Variants in DRD3 observed in about 807,000 individuals in gnomAD.
DRD3 encodes the protein dopamine receptor D3.
In DRD3, 19 loss-of-function variants were observed where a neutral mutation model predicts 36.3. The ratio of observed to expected loss-of-function variants is 0.52; its 90% confidence interval spans 0.36 to 0.77. DRD3 has a LOEUF of 0.77. Ranked by LOEUF, DRD3 falls within the 30% of genes least tolerant of loss-of-function variation. The pLI is 0.00. For missense variants in DRD3, 465 were observed against 505.3 expected, an observed-to-expected ratio of 0.92 and a Z score of 0.77; for synonymous variants, 195 against 203.7, an observed-to-expected ratio of 0.96 and a Z score of 0.36.
chr3:114,131,103 C>T lies in DRD3; in HGVS notation c.1006+15G>A. 1 of 1,609,838 alleles carries T rather than the reference C, an allele frequency of 6.2e-7. No individual in the cohort carries two copies. On this transcript the variant is annotated intron_variant, in intron 6 of 6. Coordinates refer to ENST00000383673, the MANE Select transcript of DRD3 (RefSeq NM_000796.6). ...CTAACCCAACCCAACACAGCTCAAG[C>T]CAACCCAAACTTACCAAGCACAATG...
At chr3:114,170,708 T>C (rs1419199620) in intron 2 of DRD3, among the ~76,000 whole-genome samples, 1 of 152,184 alleles carries the variant, frequency 6.6e-6, no homozygotes, top group African/African-American at 2.4e-5. Flanking sequence ...GTTTTTGCTC[T>C]CCCGTGATAT....
At chr3:114,167,149 A>T (rs961749885) in intron 2 of DRD3, among the ~76,000 whole-genome samples, 8 of 151,882 alleles carry the variant, frequency 5.3e-5, no homozygotes, top group Non-Finnish European at 1.0e-4. Flanking sequence ...CCTTGCCTGA[A>T]CTCATCCTAT....
intron 4 of DRD3, among the ~76,000 whole-genome samples, chr3:114,145,256 G>A (rs116215691): frequency 6.6e-6 from 1 of 152,178 alleles, no homozygotes. Context: ...TACAGAAGGT[G>A]ACTTAGTTAT....
At chr3:114,141,184 G>A (rs1469965242) in intron 4 of DRD3, among the ~76,000 whole-genome samples, 1 of 152,008 alleles carries the variant, frequency 6.6e-6, no homozygotes, top group Admixed American at 6.5e-5. Context: ...GGCATGGGCC[G>A]CCATGCCCAG....
At chr3:114,189,929 TG>T (rs1448145472) in intron 1 of DRD3, among the ~76,000 whole-genome samples, 2 of 152,250 alleles carry the variant, frequency 1.3e-5, no homozygotes, top group African/African-American at 4.8e-5. Flanking sequence ...ATGGTTTCCA[TG>T]TTATGCACAT....
At chr3:114,159,362 C>T (rs1371373087) in intron 3 of DRD3, among the ~76,000 whole-genome samples, 1 of 151,846 alleles carries the variant, frequency 6.6e-6, no homozygotes, top group African/African-American at 2.4e-5. Context: ...CTCCATCTCT[C>T]CCTTCAACAA....
At chr3:114,184,838 A>T (rs1461633465) in intron 1 of DRD3, among the ~76,000 whole-genome samples, 8 of 152,134 alleles carry the variant, frequency 5.3e-5, no homozygotes, top group Non-Finnish European at 7.4e-5. Flanking sequence ...TGTTGGGATT[A>T]TATGTGTGAG....
chr3:114,128,719 G>A lies in DRD3; in HGVS notation c.1200C>T (p.Cys400=), dbSNP rs2077398804. The change falls in exon 7 of 7, where the codon TGC becomes TGT. Residue 400 remains cysteine, a synonymous_variant. Transcript: ENST00000383673. ...FRKAFLKILS[C] Reference sequence around the variant, plus strand: ...GAGTGTTCCCTCTTCTGCTCCCTCAGCAAGACAGGATCTTGAGGAAGGCTT... The same window carrying A: ...GAGTGTTCCCTCTTCTGCTCCCTCAACAAGACAGGATCTTGAGGAAGGCTT... The A allele has an allele frequency of 6.3e-7, 1 of 1,593,876 alleles. No homozygotes were observed. The highest frequency in any genetic ancestry group is 1.3e-5 in the African/African-American group (1 of 74,382).
chr3:114,190,044 G>A (rs575878694), intron 1 of DRD3, among the ~76,000 whole-genome samples: 1 of 152,206 alleles, frequency 6.6e-6, no homozygotes, highest in South Asian at 2.1e-4. Flanking sequence ...AAAAGCCGGA[G>A]TAACCTGTGG....
At chr3:114,129,372 C>G (rs1559978332) in intron 6 of DRD3, among the ~76,000 whole-genome samples, 2 of 152,028 alleles carry the variant, frequency 1.3e-5, no homozygotes, top group Non-Finnish European at 2.9e-5. Context: ...AAAAAAAACC[C>G]AACCCTATGA....
chr3:114,128,915 A>G lies in DRD3; in HGVS notation c.1007-3T>C, dbSNP rs2077402078. 6.3e-7 allele frequency: 1 copy of G among 1,575,090 alleles called. No individual in the cohort carries two copies. The highest frequency in any genetic ancestry group is 1.4e-5 in the African/African-American group (1 of 73,368). On this transcript the variant is annotated splice_polypyrimidine_tract_variant and splice_region_variant and intron_variant, in intron 6 of 6. Transcript: ENST00000383673. ...CAGCCAGCAGACAATGAAGGCCCCT[A>G]AGTTGCCAAATAAGAGAGAAACTGG...
chr3:114,172,074 G>T (rs1577619832), intron 1 of DRD3, 47 bp from the exon 2 acceptor site: 1 of 1,310,032 alleles, frequency 7.6e-7, no homozygotes, highest in Non-Finnish European at 9.8e-7. Flanking sequence ...ACTCTTTGGG[G>T]CTTGGTTGCT....
chr3:114,143,735 T>C (rs575424729), intron 4 of DRD3, among the ~76,000 whole-genome samples: 106 of 152,332 alleles, frequency 7.0e-4, no homozygotes, highest in African/African-American at 2.4e-3. Flanking sequence ...GATGTTCTAT[T>C]GATGAAATCA....
In DRD3 at chr3:114,193,050, C is replaced by A. The variant is rs570746733; in HGVS notation, c.-156+6223G>T. Among the ~76,000 whole-genome samples, 27 of 152,100 alleles carry A rather than the reference C, an allele frequency of 1.8e-4. No homozygotes were observed. In the South Asian group the frequency reaches 3.3e-3, roughly 19 times the overall value. ...ATCCCAGCACTTTGGGAGGCCGAGG[C>A]GGGTAGATCACGAGGTCAGGAGATC... On this transcript the variant is annotated intron_variant, in intron 1 of 7. Coordinates refer to the DRD3 transcript ENST00000460779.
intron 3 of DRD3, among the ~76,000 whole-genome samples, chr3:114,153,104 G>A (rs766740201): frequency 2.0e-5 from 3 of 152,224 alleles, no homozygotes; most frequent in Non-Finnish European, 4.4e-5. Flanking sequence ...CATGAGAAAC[G>A]GACTGATCAG....
At chr3:114,159,678 G>A in intron 3 of DRD3, 77 bp downstream of exon 3, 6 of 1,181,416 alleles carry the variant, frequency 5.1e-6, no homozygotes, top group Non-Finnish European at 7.6e-6. Context: ...GGTGACCCCA[G>A]TACCCTCAAG....
rs1479594683 is a variant in DRD3, at chr3:114,156,785, TTCTTTCTTTCTTTC to T, written c.383+2956_383+2969del. Among the ~76,000 whole-genome samples the T allele has an allele frequency of 9.4e-4, 119 of 127,048 alleles. 1 individual carries two copies. The highest frequency in any genetic ancestry group is 1.3e-3 in the South Asian group (5 of 3,976). The allele number at this position is 127,048 out of a possible 152,430, so 83.3% of individuals were successfully genotyped here. On this transcript the variant is annotated intron_variant, in intron 3 of 6. Transcript: ENST00000383673. ...TTTCTTTCTTTCTTTCTTTCTTTCT[TTCTTTCTTTCTTTC>T]TCTTTTCTTTTTCTTTCTTTTTTCT...
chr3:114,172,660 T>G (rs375194644), intron 1 of DRD3, among the ~76,000 whole-genome samples: 36 of 152,328 alleles, frequency 2.4e-4, no homozygotes, highest in African/African-American at 8.7e-4. Context: ...CCAGCTCTGC[T>G]GCTTCCTAAC....
In DRD3 at chr3:114,165,987, A is replaced by ATT. The variant is rs57837932; in HGVS notation, c.270+5734_270+5735dup. ...ACCCGAGGTAGACCCAACAGTTTGT[A>ATT]TTTTTTTTTTTTTTTTTTTTGAGAC... On this transcript the variant is annotated intron_variant, in intron 2 of 6. Transcript: ENST00000383673. Among the ~76,000 whole-genome samples, 115 of 112,364 alleles carry ATT rather than the reference A, an allele frequency of 1.0e-3. 2 individuals carry two copies. The South Asian group carries it at 0.03, about 29-fold the overall frequency. The allele number at this position is 112,364 out of a possible 152,430, so 73.7% of individuals were successfully genotyped here.
Sources: allele counts gnomAD v4.1 joint callset (sites outside exome capture counted in the v4.1 genomes callset), GRCh38; gene constraint gnomAD v4.1.1; transcripts MANE v1.5; gene names NCBI Gene and HGNC (gene_info 2026-07-23, HGNC 2026-07-21).